Variants in PRKG1 observed in about 807,000 individuals in gnomAD.
PRKG1 encodes cGMP-dependent protein kinase 1.
In PRKG1, 35 loss-of-function variants were observed where a neutral mutation model predicts 88.1. That is an observed-to-expected ratio of 0.40 (90% CI 0.30 to 0.53). The LOEUF (loss-of-function observed/expected upper bound fraction) is 0.53. PRKG1 is among the 20% of genes least tolerant of loss of function. The pLI, the probability that PRKG1 is intolerant of heterozygous loss-of-function variation, is 0.59. For synonymous variants in PRKG1, 303 were observed against 292.5 expected (o/e 1.04, Z -0.37); for missense variants, 540 against 839.8 (o/e 0.64, Z 4.41).
intron 7 of PRKG1, among the ~76,000 whole-genome samples, chr10:52,071,321 A>T (rs561247759): frequency 6.6e-6 from 1 of 152,044 alleles, no homozygotes; most frequent in East Asian, 1.9e-4. Flanking sequence ...TCAACTCTCT[A>T]GTGTCTATTG....
chr10:51,137,173 C>T (rs963504303), intron 1 of PRKG1, among the ~76,000 whole-genome samples: 4 of 152,076 alleles, frequency 2.6e-5, no homozygotes, highest in Non-Finnish European at 4.4e-5. Context: ...GCGTGAGTAC[C>T]GCACCCGGCC....
chr10:51,363,854 T>C lies in PRKG1; in HGVS notation c.479-103869T>C, dbSNP rs185273918. Among the ~76,000 whole-genome samples, 30 of 152,142 alleles carry C rather than the reference T, an allele frequency of 2.0e-4. No individual in the cohort carries two copies. The East Asian group carries it at 5.8e-3, about 30-fold the overall frequency. On this transcript the variant is annotated intron_variant, in intron 2 of 17. Transcript: ENST00000373980. The stretch of plus-strand genomic sequence containing the variant: ...GTTTTTTGCATGCACAAAGGCAAAG[T>C]ACTTTTAATTGAAAAGTTTCTTATT...
At chr10:51,704,222 A>C (rs960030823) in intron 3 of PRKG1, among the ~76,000 whole-genome samples, 7 of 147,608 alleles carry the variant, frequency 4.7e-5, no homozygotes, top group Non-Finnish European at 1.0e-4. Flanking sequence ...ATAGTAGCTG[A>C]TAGATGATAG....
At chr10:51,704,018 G>A (rs960037436) in intron 3 of PRKG1, among the ~76,000 whole-genome samples, 11 of 151,660 alleles carry the variant, frequency 7.3e-5, no homozygotes, top group Admixed American at 1.3e-4. Flanking sequence ...GGTGGTGCAT[G>A]CTTCTAATCT....
At chr10:51,143,832 G>T (rs1845879010) in intron 1 of PRKG1, among the ~76,000 whole-genome samples, 1 of 151,648 alleles carries the variant, frequency 6.6e-6, no homozygotes, top group Admixed American at 6.6e-5. Context: ...GGTTTTTTTT[G>T]CTACTGAGTT....
At chr10:52,182,857 G>T (rs1227256900) in intron 9 of PRKG1, among the ~76,000 whole-genome samples, 1 of 152,118 alleles carries the variant, frequency 6.6e-6, no homozygotes, top group Non-Finnish European at 1.5e-5. Context: ...ATAGTTTGAA[G>T]TCAGGTAGTG....
chr10:51,550,641 TA>T (rs1837104641), intron 3 of PRKG1, among the ~76,000 whole-genome samples: 1 of 152,010 alleles, frequency 6.6e-6, no homozygotes, highest in Non-Finnish European at 1.5e-5. Flanking sequence ...ATCAAATTAG[TA>T]GATCATATTT....
chr10:51,896,871 T>A (rs1046241093), intron 4 of PRKG1, among the ~76,000 whole-genome samples: 6 of 152,118 alleles, frequency 3.9e-5, no homozygotes, highest in Admixed American at 2.0e-4. Context: ...TCAGGAGTGG[T>A]TTGCTTTATT....
At chr10:51,270,305 A>T (rs1212947946) in intron 2 of PRKG1, among the ~76,000 whole-genome samples, 1 of 152,180 alleles carries the variant, frequency 6.6e-6, no homozygotes, top group East Asian at 1.9e-4. Context: ...TAATGCACTG[A>T]TTTTTAAAAG....
chr10:51,328,960 G>A (rs551570636), intron 2 of PRKG1, among the ~76,000 whole-genome samples: 1 of 151,992 alleles, frequency 6.6e-6, no homozygotes, highest in African/African-American at 2.4e-5. Context: ...CTATTAAATT[G>A]TCTTAGTTTC....
intron 3 of PRKG1, among the ~76,000 whole-genome samples, chr10:51,654,080 T>C (rs1840104441): frequency 6.6e-6 from 1 of 152,096 alleles, no homozygotes; most frequent in Admixed American, 6.6e-5. Flanking sequence ...TTTCGGGTCA[T>C]ATTAAAAAAA....
chr10:51,896,575 G>T (rs1050746137), intron 4 of PRKG1, among the ~76,000 whole-genome samples: 1 of 148,354 alleles, frequency 6.7e-6, no homozygotes, highest in Admixed American at 6.8e-5. Context: ...AGCCAAGTGT[G>T]GTGCAATGTG....
intron 7 of PRKG1, among the ~76,000 whole-genome samples, chr10:52,086,595 G>C (rs775451016): frequency 6.6e-6 from 1 of 151,934 alleles, no homozygotes; most frequent in Non-Finnish European, 1.5e-5. Flanking sequence ...AGTAGAGACA[G>C]GGTTTCACCG....
intron 7 of PRKG1, among the ~76,000 whole-genome samples, chr10:52,099,335 T>G (rs1564468232): frequency 6.6e-6 from 1 of 151,974 alleles, no homozygotes; most frequent in Admixed American, 6.6e-5. Context: ...TGAAAGAGAG[T>G]TACGATGAGT....
chr10:51,308,925 C>T (rs753500957), intron 2 of PRKG1, among the ~76,000 whole-genome samples: 2 of 152,020 alleles, frequency 1.3e-5, no homozygotes, highest in South Asian at 2.1e-4. Context: ...CTGGTGCTGA[C>T]GGTATGATGA....
chr10:51,749,401 A>G (rs1053917759), intron 3 of PRKG1, among the ~76,000 whole-genome samples: 3 of 152,248 alleles, frequency 2.0e-5, no homozygotes, highest in East Asian at 3.9e-4. Context: ...TGGCTTATAG[A>G]CAGCCACCTT....
At chr10:51,701,735 A>C (rs542978225) in intron 3 of PRKG1, among the ~76,000 whole-genome samples, 9 of 126,502 alleles carry the variant, frequency 7.1e-5, no homozygotes, top group Non-Finnish European at 1.3e-4. Flanking sequence ...TGTGTATTAA[A>C]TGTAGTAATC....
chr10:51,074,486 C>T, upstream of PRKG1: 2 of 1,481,772 alleles, frequency 1.3e-6, no homozygotes, highest in Non-Finnish European at 1.8e-6. Context: ...GAAGCTTTGG[C>T]ACTCGGGAGG....
chr10:52,045,263 T>A (rs1845835476), intron 5 of PRKG1, among the ~76,000 whole-genome samples: 1 of 151,936 alleles, frequency 6.6e-6, no homozygotes, highest in South Asian at 2.1e-4. Context: ...TCCTATCTAG[T>A]GGGGATCAGG....
Sources: allele counts gnomAD v4.1 joint callset (sites outside exome capture counted in the v4.1 genomes callset), GRCh38; gene constraint gnomAD v4.1.1; transcripts MANE v1.5; gene names NCBI Gene and HGNC (gene_info 2026-07-23, HGNC 2026-07-21).